CNTNAP2: variants seen among roughly 807,000 people sequenced by gnomAD.
The protein encoded by CNTNAP2 is contactin associated protein 2.
CNTNAP2 carries 98 observed loss-of-function variants against 155.2 expected under a neutral mutation model. The observed-to-expected ratio is 0.63, with a 90% CI of 0.54 to 0.75. The LOEUF is 0.75. Ranked by LOEUF, CNTNAP2 falls within the 30% of genes least tolerant of loss-of-function variation. CNTNAP2 has a pLI of 0.00. For missense variants in CNTNAP2, 1,727 were observed against 1,688.1 expected, an observed-to-expected ratio of 1.02 and a Z score of -0.40; for synonymous variants, 651 against 631.2, an observed-to-expected ratio of 1.03 and a Z score of -0.47.
At chr7:146,215,016 A>G (rs548282127) in intron 1 of CNTNAP2, among the ~76,000 whole-genome samples, 1 of 152,314 alleles carries the variant, frequency 6.6e-6, no homozygotes, top group East Asian at 1.9e-4. Context: ...TCCGTTTGAT[A>G]ATGTCAACTC....
At chr7:146,435,315 C>T (rs1298938692) in intron 1 of CNTNAP2, among the ~76,000 whole-genome samples, 1 of 152,172 alleles carries the variant, frequency 6.6e-6, no homozygotes, top group Non-Finnish European at 1.5e-5. Flanking sequence ...TAACTCCTCT[C>T]TCCACCACTG....
At chr7:147,722,561 T>C (rs2117029217) in intron 13 of CNTNAP2, among the ~76,000 whole-genome samples, 1 of 152,244 alleles carries the variant, frequency 6.6e-6, no homozygotes, top group South Asian at 2.1e-4. Context: ...TCTGTGATTA[T>C]CCATTTTGTG....
chr7:148,239,299 C>T (rs1205808816), intron 20 of CNTNAP2, among the ~76,000 whole-genome samples: 14 of 152,138 alleles, frequency 9.2e-5, no homozygotes, highest in Admixed American at 1.3e-4. Flanking sequence ...CTTTAATGAA[C>T]GACTGACATG....
intron 1 of CNTNAP2, among the ~76,000 whole-genome samples, chr7:146,206,127 C>T (rs771739665): frequency 4.0e-5 from 6 of 151,870 alleles, no homozygotes; most frequent in Non-Finnish European, 7.4e-5. Context: ...AAAATTATAA[C>T]ATAAGTTTGT....
chr7:146,482,138 T>C (rs998043844), intron 1 of CNTNAP2, among the ~76,000 whole-genome samples: 1 of 141,510 alleles, frequency 7.1e-6, no homozygotes, highest in Non-Finnish European at 1.5e-5. Flanking sequence ...AGATTCCTAG[T>C]GGGTGCTTCA....
intron 8 of CNTNAP2, among the ~76,000 whole-genome samples, chr7:147,149,949 A>C (rs1007533259): frequency 1.3e-5 from 2 of 152,248 alleles, no homozygotes; most frequent in Admixed American, 6.5e-5. Context: ...TGTGAAAGAA[A>C]GGTAGGAATC....
chr7:146,360,888 T>G (rs1368450488), intron 1 of CNTNAP2, among the ~76,000 whole-genome samples: 2 of 152,168 alleles, frequency 1.3e-5, no homozygotes, highest in African/African-American at 2.4e-5. Flanking sequence ...CATGAAACAG[T>G]GATTCATCAA....
intron 1 of CNTNAP2, among the ~76,000 whole-genome samples, chr7:146,558,426 ATTTGGG>A (rs1798229270): frequency 6.6e-6 from 1 of 152,064 alleles, no homozygotes; most frequent in African/African-American, 2.4e-5. Context: ...TAACCACTTT[ATTTGGG>A]TATGATTGAC....
intron 13 of CNTNAP2, among the ~76,000 whole-genome samples, chr7:147,770,745 G>A (rs1194140805): frequency 6.6e-6 from 1 of 152,052 alleles, no homozygotes; most frequent in East Asian, 1.9e-4. Context: ...ATCATGGATT[G>A]GAAAACTGAA....
intron 1 of CNTNAP2, among the ~76,000 whole-genome samples, chr7:146,342,382 T>C (rs1794743843): frequency 6.6e-6 from 1 of 152,116 alleles, no homozygotes; most frequent in African/African-American, 2.4e-5. Context: ...AAATACCACA[T>C]AACCAATGCT....
chr7:146,713,495 A>G (rs553724088), intron 1 of CNTNAP2, among the ~76,000 whole-genome samples: 3 of 152,228 alleles, frequency 2.0e-5, no homozygotes, highest in East Asian at 3.9e-4. Context: ...CTGGCTCTAG[A>G]TAAGGGTAAG....
intron 9 of CNTNAP2, among the ~76,000 whole-genome samples, chr7:147,362,816 A>G (rs1796167373): frequency 1.3e-5 from 2 of 152,200 alleles, no homozygotes; most frequent in Non-Finnish European, 2.9e-5. Context: ...TGGATAAAGA[A>G]TTACTGGCAT....
chr7:146,628,365 A>T (rs1172872100), intron 1 of CNTNAP2, among the ~76,000 whole-genome samples: 1 of 152,132 alleles, frequency 6.6e-6, no homozygotes, highest in Non-Finnish European at 1.5e-5. Context: ...GGTTACCAGG[A>T]GCTAGAGTAG....
chr7:147,776,364 G>T (rs1429197350), intron 13 of CNTNAP2, among the ~76,000 whole-genome samples: 2 of 151,082 alleles, frequency 1.3e-5, no homozygotes, highest in Non-Finnish European at 2.9e-5. Context: ...GAAAAAAAAT[G>T]AATGAAGAGG....
At chr7:147,603,093 G>C (rs1274269145) in intron 12 of CNTNAP2, among the ~76,000 whole-genome samples, 2 of 151,510 alleles carry the variant, frequency 1.3e-5, no homozygotes, top group East Asian at 3.9e-4. Flanking sequence ...CTAGTTTACA[G>C]TCCCACCAAC....
chr7:146,737,397 T>C (rs899269407), intron 1 of CNTNAP2, among the ~76,000 whole-genome samples: 1 of 152,132 alleles, frequency 6.6e-6, no homozygotes, highest in Non-Finnish European at 1.5e-5. Flanking sequence ...ACTGAAATTT[T>C]GTATCCTTTA....
chr7:147,023,431 G>A (rs756109307), intron 3 of CNTNAP2, among the ~76,000 whole-genome samples: 9 of 152,108 alleles, frequency 5.9e-5, no homozygotes, highest in African/African-American at 2.2e-4. Context: ...GAGAGATGCC[G>A]TGTATCCTTT....
intron 2 of CNTNAP2, among the ~76,000 whole-genome samples, chr7:146,814,390 T>C (rs890620469): frequency 2.0e-5 from 3 of 152,128 alleles, no homozygotes; most frequent in Non-Finnish European, 2.9e-5. Flanking sequence ...ATAACCTGTT[T>C]AGCTCAATGC....
intron 3 of CNTNAP2, among the ~76,000 whole-genome samples, chr7:146,876,081 A>T (rs992688510): frequency 6.6e-6 from 1 of 151,642 alleles, no homozygotes; most frequent in Non-Finnish European, 1.5e-5. Context: ...GGCCTGTTTA[A>T]CTTTGTTTGG....
Sources: gnomAD v4.1 joint callset for allele counts (sites outside exome capture counted in the v4.1 genomes callset) on GRCh38, gnomAD v4.1.1 for gene constraint, MANE v1.5 for transcripts, NCBI Gene and HGNC (gene_info 2026-07-23, HGNC 2026-07-21) for gene names.